NEGR1: variants seen among roughly 807,000 people sequenced by gnomAD.
The protein encoded by NEGR1 is neuronal growth regulator 1.
NEGR1 carries 10 observed loss-of-function variants against 40.9 expected under a neutral mutation model. The observed-to-expected ratio is 0.24, with a 90% CI of 0.15 to 0.42. The LOEUF (loss-of-function observed/expected upper bound fraction) is 0.42, where lower values mean the gene tolerates loss of function less well. NEGR1 is among the 10% of genes least tolerant of loss of function. The pLI, the probability that NEGR1 is intolerant of heterozygous loss-of-function variation, is 1.00. For missense variants in NEGR1, 352 were observed against 438.9 expected (o/e 0.80, Z 1.77); for synonymous variants, 185 against 166.8 (o/e 1.11, Z -0.84).
chr1:71,915,869 C>G (rs192825260), intron 2 of NEGR1, among the ~76,000 whole-genome samples: 3 of 152,050 alleles, frequency 2.0e-5, no homozygotes, highest in African/African-American at 7.3e-5. Context: ...TACCTTTGAG[C>G]GAGAAACACA....
chr1:71,437,441 A>C (rs1007881917), intron 6 of NEGR1, among the ~76,000 whole-genome samples: 4 of 152,170 alleles, frequency 2.6e-5, no homozygotes, highest in African/African-American at 9.7e-5. Flanking sequence ...CAATACAGCT[A>C]TTATTCAAAA....
At chr1:72,202,052 T>C (rs958865217) in intron 1 of NEGR1, among the ~76,000 whole-genome samples, 1 of 152,112 alleles carries the variant, frequency 6.6e-6, no homozygotes, top group Non-Finnish European at 1.5e-5. Flanking sequence ...TTACCTGGAT[T>C]ACCAAAATTA....
chr1:71,398,774 A>G lies in NEGR1; in HGVS notation c.*8672T>C, dbSNP rs1399030265. The stretch of plus-strand genomic sequence containing the variant: ...TATGGTTTGGCTGTGTCCCCACCCA[A>G]GTCTCATTTGGAATTCCCACGGATT... On this transcript the variant is annotated 3_prime_UTR_variant, in exon 7 of 7. Coordinates refer to ENST00000357731, the MANE Select transcript of NEGR1 (RefSeq NM_173808.3). 2 of 152,158 alleles carry G rather than the reference A, an allele frequency of 1.3e-5. No homozygotes were observed. Among genetic ancestry groups the G allele is most frequent in the East Asian group, 3.9e-4 (2 of 5,180 alleles). 9.4% of individuals were successfully genotyped at this position (152,158 alleles called of 1,614,324 possible).
At chr1:71,593,522 G>C (rs1557579818) in intron 5 of NEGR1, among the ~76,000 whole-genome samples, 1 of 152,178 alleles carries the variant, frequency 6.6e-6, no homozygotes, top group Non-Finnish European at 1.5e-5. Context: ...AAAAGAGACA[G>C]TCATATAGTA....
At chr1:71,512,194 A>C (rs61764973) in intron 6 of NEGR1, among the ~76,000 whole-genome samples, 1,758 of 152,308 alleles carry the variant, frequency 0.012, 23 homozygotes, top group Middle Eastern at 0.024. Flanking sequence ...ACTATCAATT[A>C]CATTCAAATG....
chr1:71,577,477 T>C (rs1557573508), intron 6 of NEGR1, among the ~76,000 whole-genome samples: 1 of 152,166 alleles, frequency 6.6e-6, no homozygotes, highest in Non-Finnish European at 1.5e-5. Context: ...GAAACCCAGA[T>C]GACTATGTAT....
chr1:71,708,605 T>A (rs987712955), intron 3 of NEGR1, among the ~76,000 whole-genome samples: 3 of 152,034 alleles, frequency 2.0e-5, no homozygotes, highest in African/African-American at 7.2e-5. Context: ...AGTTTTTATT[T>A]TTTTTTTAAG....
At chr1:71,940,939 A>T (rs891778413) in intron 1 of NEGR1, among the ~76,000 whole-genome samples, 11 of 152,170 alleles carry the variant, frequency 7.2e-5, no homozygotes, top group African/African-American at 2.7e-4. Context: ...CCAGTATTCC[A>T]CACAGCAGAA....
At chr1:72,176,268 T>C (rs916566566) in intron 1 of NEGR1, among the ~76,000 whole-genome samples, 6 of 152,136 alleles carry the variant, frequency 3.9e-5, no homozygotes, top group African/African-American at 1.4e-4. Flanking sequence ...TGTGACTATA[T>C]AACTTTTTGT....
At chr1:71,868,692 G>C (rs1217238304) in intron 2 of NEGR1, among the ~76,000 whole-genome samples, 3 of 152,016 alleles carry the variant, frequency 2.0e-5, no homozygotes, top group Non-Finnish European at 4.4e-5. Flanking sequence ...ACTGCTTCTA[G>C]TGTATTGAAA....
chr1:71,930,456 C>T (rs1281336539), intron 2 of NEGR1, among the ~76,000 whole-genome samples: 1 of 152,094 alleles, frequency 6.6e-6, no homozygotes, highest in Admixed American at 6.6e-5. Flanking sequence ...AATCATATTA[C>T]AAATTTTATG....
intron 6 of NEGR1, among the ~76,000 whole-genome samples, chr1:71,539,383 A>G (rs538769392): frequency 2.0e-5 from 3 of 151,884 alleles, no homozygotes; most frequent in Non-Finnish European, 4.4e-5. Flanking sequence ...GCCAAAAAAT[A>G]TTTCTGAATG....
chr1:71,986,267 C>G (rs1320666297), intron 1 of NEGR1, among the ~76,000 whole-genome samples: 1 of 152,166 alleles, frequency 6.6e-6, no homozygotes, highest in African/African-American at 2.4e-5. Context: ...AGGCCTTTAC[C>G]ACAGCTGGTC....
At chr1:71,855,742 T>C (rs1176148666) in intron 2 of NEGR1, among the ~76,000 whole-genome samples, 6 of 128,456 alleles carry the variant, frequency 4.7e-5, no homozygotes, top group Admixed American at 3.7e-4. Flanking sequence ...AGAATATTAA[T>C]GTCATCATGA....
intron 1 of NEGR1, among the ~76,000 whole-genome samples, chr1:72,122,423 A>C (rs149398827): frequency 7.4e-4 from 113 of 152,110 alleles, no homozygotes; most frequent in African/African-American, 2.7e-3. Context: ...AAAACTTGTG[A>C]ATTTTATTCC....
intron 1 of NEGR1, among the ~76,000 whole-genome samples, chr1:72,237,109 T>A (rs975513083): frequency 6.6e-6 from 1 of 151,954 alleles, no homozygotes; most frequent in East Asian, 1.9e-4. Context: ...TTCTAAAGGT[T>A]AAAGTAGAGA....
chr1:72,028,146 T>G (rs1646827945), intron 1 of NEGR1, among the ~76,000 whole-genome samples: 1 of 152,210 alleles, frequency 6.6e-6, no homozygotes. Flanking sequence ...ACACTTCCAG[T>G]CACTGAATCT....
At chr1:71,989,509 G>T (rs957632762) in intron 1 of NEGR1, among the ~76,000 whole-genome samples, 1 of 151,802 alleles carries the variant, frequency 6.6e-6, no homozygotes, top group African/African-American at 2.4e-5. Context: ...AATGAGTAAT[G>T]GCATTTTATG....
At chr1:71,828,719 C>A (rs1189703320) in intron 2 of NEGR1, among the ~76,000 whole-genome samples, 2 of 151,964 alleles carry the variant, frequency 1.3e-5, no homozygotes, top group Non-Finnish European at 2.9e-5. Flanking sequence ...GAGTTTCTAA[C>A]TTTCTAGCAA....
Sources: allele counts gnomAD v4.1 joint callset (sites outside exome capture counted in the v4.1 genomes callset), GRCh38; gene constraint gnomAD v4.1.1; transcripts MANE v1.5; gene names NCBI Gene and HGNC (gene_info 2026-07-23, HGNC 2026-07-21).